MAML3: variants seen among roughly 807,000 people sequenced by gnomAD.
The protein encoded by MAML3 is mastermind like transcriptional coactivator 3.
In MAML3, 27 loss-of-function variants were observed where a neutral mutation model predicts 101.9. The observed-to-expected ratio is 0.27, with a 90% CI of 0.20 to 0.37. The LOEUF (loss-of-function observed/expected upper bound fraction) is 0.37. MAML3 is among the 10% of genes least tolerant of loss of function. The probability of loss-of-function intolerance (pLI) is 1.00; values close to 1 mark genes in which losing one functional copy is unlikely to be tolerated. For missense variants in MAML3, 1,316 were observed against 1,444.9 expected (o/e 0.91, Z 1.45); for synonymous variants, 501 against 555.9 (o/e 0.90, Z 1.39).
chr4:140,104,840 A>G (rs1356597378), intron 1 of MAML3, among the ~76,000 whole-genome samples: 1 of 149,026 alleles, frequency 6.7e-6, no homozygotes, highest in Non-Finnish European at 1.5e-5. Context: ...TAAAGGCATC[A>G]TTATAAAACT....
chr4:139,871,897 T>C (rs1254438189), intron 2 of MAML3, among the ~76,000 whole-genome samples: 1 of 152,250 alleles, frequency 6.6e-6, no homozygotes, highest in South Asian at 2.1e-4. Flanking sequence ...AACTACTTGT[T>C]ACATTAATTG....
chr4:139,987,419 T>G (rs188204966), intron 1 of MAML3, among the ~76,000 whole-genome samples: 258 of 152,318 alleles, frequency 1.7e-3, no homozygotes, highest in Non-Finnish European at 3.4e-3. Context: ...CTCATCTTTT[T>G]GTTCTGTGGT....
chr4:140,103,885 G>C (rs1237241996), intron 1 of MAML3, among the ~76,000 whole-genome samples: 2 of 152,086 alleles, frequency 1.3e-5, no homozygotes, highest in Non-Finnish European at 2.9e-5. Flanking sequence ...TTGGCTACTA[G>C]CATATTAAGA....
At chr4:139,866,173 T>G (rs1179374299) in intron 2 of MAML3, among the ~76,000 whole-genome samples, 1 of 152,244 alleles carries the variant, frequency 6.6e-6, no homozygotes, top group Non-Finnish European at 1.5e-5. Flanking sequence ...GAAGGTATAC[T>G]TGTCAAGATC....
chr4:140,146,662 T>C (rs1366304472), intron 1 of MAML3, among the ~76,000 whole-genome samples: 6 of 152,196 alleles, frequency 3.9e-5, no homozygotes, highest in African/African-American at 1.4e-4. Context: ...TGTGGGGGGA[T>C]ACTGTAATTT....
chr4:139,783,251 A>C (rs147654418), intron 2 of MAML3, among the ~76,000 whole-genome samples: 13 of 152,352 alleles, frequency 8.5e-5, no homozygotes, highest in African/African-American at 3.1e-4. Flanking sequence ...CACAGTCTTC[A>C]CCAGGCAGAT....
chr4:139,904,324 T>A (rs188957132), intron 1 of MAML3, among the ~76,000 whole-genome samples: 1 of 152,234 alleles, frequency 6.6e-6, no homozygotes, highest in Non-Finnish European at 1.5e-5. Flanking sequence ...TGGCTCTCAA[T>A]TGATATTTTA....
At position 139,890,066 on chromosome 4, in the gene MAML3, A is replaced by G. The variant is rs781230035; in HGVS notation, c.1370T>C (p.Val457Ala). Residue 457 changes from valine to alanine, a missense_variant, in exon 2 of 5, where the codon GTG becomes GCG. Transcript: ENST00000509479. This position sits in a 1 kb window ranked among gnomAD's most constrained non-coding sequence, Gnocchi z 4.1. ...VAGSASGPVA[V>A]PSSDMSPAEQ... ...TGCTGGAGACATGTCAGAGCTGGGC[A>G]CAGCCACAGGCCCTGACGCTGAACC... 1.9e-6 allele frequency: 3 copies of G among 1,610,622 alleles called. No individual in the cohort carries two copies. Among genetic ancestry groups the G allele is most frequent in the Non-Finnish European group, 2.5e-6 (3 of 1,178,254 alleles).
At chr4:139,750,973 C>T (rs1046898805) in intron 2 of MAML3, among the ~76,000 whole-genome samples, 3 of 152,200 alleles carry the variant, frequency 2.0e-5, no homozygotes, top group African/African-American at 4.8e-5. Context: ...CTATTTGGAA[C>T]ACCTGGCAAG....
chr4:139,810,161 C>T (rs750205529), intron 2 of MAML3, among the ~76,000 whole-genome samples: 1 of 148,688 alleles, frequency 6.7e-6, no homozygotes, highest in Admixed American at 6.7e-5. Context: ...CAAGAGGTAT[C>T]ATGCAATATG....
At chr4:139,781,769 T>C (rs1282590040) in intron 2 of MAML3, among the ~76,000 whole-genome samples, 6 of 152,120 alleles carry the variant, frequency 3.9e-5, no homozygotes, top group South Asian at 2.1e-4. Context: ...ACACCAGCCA[T>C]CTATTCATGG....
intron 1 of MAML3, among the ~76,000 whole-genome samples, chr4:139,901,699 A>G (rs968217255): frequency 1.3e-5 from 2 of 152,212 alleles, no homozygotes. Flanking sequence ...ACTTACACCA[A>G]CAACACAGAC....
At chr4:139,966,607 C>T (rs576043193) in intron 1 of MAML3, among the ~76,000 whole-genome samples, 197 of 152,284 alleles carry the variant, frequency 1.3e-3, no homozygotes, top group African/African-American at 4.2e-3. Context: ...TACTATCTTA[C>T]GTGTTTCTGA....
chr4:139,927,984 C>T (rs1172652506), intron 1 of MAML3, among the ~76,000 whole-genome samples: 1 of 152,148 alleles, frequency 6.6e-6, no homozygotes, highest in East Asian at 1.9e-4. Flanking sequence ...TAGGCCTTAT[C>T]AACAGACAGC....
At chr4:139,963,854 T>TC (rs1488559260) in intron 1 of MAML3, among the ~76,000 whole-genome samples, 2 of 152,182 alleles carry the variant, frequency 1.3e-5, no homozygotes, top group African/African-American at 4.8e-5. Context: ...TCTTAGAGCC[T>TC]CCCAGAGGTA....
At chr4:139,973,337 C>T (rs989073588) in intron 1 of MAML3, among the ~76,000 whole-genome samples, 3 of 152,082 alleles carry the variant, frequency 2.0e-5, no homozygotes, top group Non-Finnish European at 4.4e-5. Context: ...CAAAGGCAGG[C>T]TGAATTCGCT....
chr4:140,093,447 C>T (rs1295960219), intron 1 of MAML3, among the ~76,000 whole-genome samples: 3 of 140,448 alleles, frequency 2.1e-5, no homozygotes, highest in Admixed American at 1.5e-4. Context: ...GACAGAGTCT[C>T]GCTCTGTCGC....
chr4:140,012,257 T>C (rs2110862173), intron 1 of MAML3, among the ~76,000 whole-genome samples: 1 of 152,370 alleles, frequency 6.6e-6, no homozygotes, highest in Non-Finnish European at 1.5e-5. Flanking sequence ...AGCTTTGGTT[T>C]GGTTTCTACG....
intron 1 of MAML3, among the ~76,000 whole-genome samples, chr4:140,040,952 G>A (rs1658253496): frequency 6.6e-6 from 1 of 152,022 alleles, no homozygotes; most frequent in Admixed American, 6.6e-5. Flanking sequence ...GCGAGTGTCT[G>A]ACCCATTCTG....
Sources: allele counts gnomAD v4.1 joint callset (sites outside exome capture counted in the v4.1 genomes callset), GRCh38; gene constraint gnomAD v4.1.1; non-coding constraint Gnocchi (gnomAD v3.1); transcripts MANE v1.5; gene names NCBI Gene and HGNC (gene_info 2026-07-23, HGNC 2026-07-21).